Variants in ZNF397 observed in about 807,000 individuals in gnomAD.
The protein encoded by ZNF397 is zinc finger and SCAN domain-containing protein 15.
A neutral mutation model predicts 50.6 loss-of-function variants in ZNF397; 38 were observed. The observed-to-expected ratio is 0.75, with a 90% CI of 0.58 to 0.98. The LOEUF is 0.98. ZNF397 is among the 50% of genes least tolerant of loss of function. The probability of loss-of-function intolerance (pLI) is 0.00; values close to 1 mark genes in which losing one functional copy is unlikely to be tolerated. For synonymous variants in ZNF397, 228 were observed against 215.2 expected, an observed-to-expected ratio of 1.06 and a Z score of -0.52; for missense variants, 624 against 624.1, an observed-to-expected ratio of 1.00 and a Z score of 0.00.
At chr18:35,256,350 G>A (rs969706482) in intron 5 of ZNF397, 9 of 152,142 alleles carry the variant, frequency 5.9e-5, no homozygotes, top group Non-Finnish European at 1.0e-4. Context: ...TTGAGGCCAG[G>A]GGAGTTCAAA....
chr18:35,247,112 A>C lies in ZNF397; in HGVS notation c.*802A>C, dbSNP rs756041924. On this transcript the variant is annotated 3_prime_UTR_variant, in exon 4 of 4. Transcript: ENST00000330501. Reference sequence around the variant, plus strand: ...GAACAGTAGCCAAAGGCCAGAAACAAAGTGTGGAGCATTCCTTGAGTTCCT... The same window carrying C: ...GAACAGTAGCCAAAGGCCAGAAACACAGTGTGGAGCATTCCTTGAGTTCCT... 2 of 985,506 alleles carry C rather than the reference A, an allele frequency of 2.0e-6. No individual in the cohort carries two copies. The highest frequency in any genetic ancestry group is 2.4e-6 in the Non-Finnish European group (2 of 830,012). 61.0% of individuals were successfully genotyped at this position (985,506 alleles called of 1,614,324 possible). A position where few individuals can be genotyped will look rare whatever the true frequency, so the allele number is the denominator to read the frequency against.
At chr18:35,258,568 C>G (rs2043920830), downstream of ZNF397, 1 of 152,562 alleles carries the variant, frequency 6.6e-6, no homozygotes, top group Admixed American at 6.5e-5. Flanking sequence ...GAGTGAGAGG[C>G]TTAGTTAAAA....
downstream of ZNF397, chr18:35,251,825 A>G (rs2043608117): frequency 6.6e-6 from 1 of 151,852 alleles, no homozygotes; most frequent in Non-Finnish European, 1.5e-5. Flanking sequence ...ATTACCCAGT[A>G]TCAGGTAGTA....
At chr18:35,255,469 T>C (rs1448116012) in intron 5 of ZNF397, among the ~76,000 whole-genome samples, 3 of 152,128 alleles carry the variant, frequency 2.0e-5, no homozygotes, top group Middle Eastern at 3.4e-3. Context: ...GAAGTAATAA[T>C]TGCTAAGAGT....
In ZNF397 at chr18:35,249,805, T is replaced by TAA. The variant is rs2043548431; in HGVS notation, c.*3497_*3498dup. 7.4e-6 allele frequency: 1 copy of TAA among 134,536 alleles called. No homozygotes were observed. Among genetic ancestry groups the TAA allele is most frequent in the Non-Finnish European group, 1.6e-5 (1 of 64,394 alleles). 8.3% of individuals were successfully genotyped at this position (134,536 alleles called of 1,614,324 possible). The stretch of plus-strand genomic sequence containing the variant: ...TTATGTATTAAAAATACTGAAAACA[T>TAA]AAAGTGCTATACTGGTTATGTGTGG... On this transcript the variant is annotated 3_prime_UTR_variant, in exon 4 of 4. Transcript: ENST00000330501.
chr18:35,256,462 G>C (rs1369684442), intron 5 of ZNF397: 5 of 152,064 alleles, frequency 3.3e-5, no homozygotes, highest in African/African-American at 1.2e-4. Context: ...TCGGGAGGAT[G>C]AGGCACGAGA....
At chr18:35,258,677 C>T (rs2043925969), downstream of ZNF397, 1 of 151,824 alleles carries the variant, frequency 6.6e-6, no homozygotes, top group African/African-American at 2.4e-5. Context: ...TGAGAACAGC[C>T]TGGCCAATAT....
chr18:35,254,564 G>A (rs2043726150), downstream of ZNF397: 3 of 1,009,718 alleles, frequency 3.0e-6, no homozygotes, highest in Non-Finnish European at 4.3e-6. Context: ...CCCCCTTGGA[G>A]AGTAAGGTAG....
At position 35,246,072 on chromosome 18, in the gene ZNF397, G is replaced by A. The variant is rs867240962; in HGVS notation, c.1367G>A (p.Ser456Asn). The A allele has an allele frequency of 6.4e-7, 1 of 1,559,194 alleles. No individual in the cohort carries two copies. Residue 456 changes from serine to asparagine, a missense_variant, in exon 4 of 4, where the codon AGT becomes AAT. By Grantham distance (46) the Ser-to-Asn change is conservative (BLOSUM62 1). Transcript: ENST00000330501. Reference sequence around the variant, plus strand: ...AGTGGAGAGAAACCCTATGAATGTAGTGAATGTGGAAAAGCTTTCAGTTTG... The same window carrying A: ...AGTGGAGAGAAACCCTATGAATGTAATGAATGTGGAAAAGCTTTCAGTTTG... ...IHSGEKPYEC[S>N]ECGKAFSLSS...
intron 2 of ZNF397, 131 bp from the exon 3 acceptor site, chr18:35,243,021 A>G: frequency 2.0e-6 from 3 of 1,495,264 alleles, no homozygotes; most frequent in South Asian, 1.3e-5. Flanking sequence ...ATACTTGTCT[A>G]TACCCTTGAA....
downstream of ZNF397, chr18:35,254,369 A>T: frequency 6.2e-7 from 1 of 1,613,940 alleles, no homozygotes; most frequent in Non-Finnish European, 8.5e-7. Flanking sequence ...TTTGCCAGCC[A>T]CCATCCTGCC....
At chr18:35,243,423 C>T (rs1004632176) in intron 3 of ZNF397, 130 bp downstream of exon 3, 22 of 1,357,124 alleles carry the variant, frequency 1.6e-5, no homozygotes, top group Non-Finnish European at 1.7e-5. Flanking sequence ...CAGAGGTGCT[C>T]GCTTTAGCGG....
chr18:35,252,833 G>A (rs1029867215), downstream of ZNF397: 1 of 152,752 alleles, frequency 6.5e-6, no homozygotes, highest in Non-Finnish European at 1.5e-5. Flanking sequence ...GCACATAGCA[G>A]GTGCTCAATA....
chr18:35,244,076 C>A (rs2143587575), intron 3 of ZNF397: 1 of 154,790 alleles, frequency 6.5e-6, no homozygotes, highest in East Asian at 1.9e-4. Flanking sequence ...AGAGTATAGT[C>A]CTATTAAAGA....
At chr18:35,243,438 GTAT>G in intron 3 of ZNF397, 145 bp downstream of exon 3, 1 of 1,116,908 alleles carries the variant, frequency 9.0e-7, no homozygotes, top group South Asian at 1.3e-5. Context: ...TAGCGGCTTT[GTAT>G]TCACCCCTCA....
intron 3 of ZNF397, 69 bp from the exon 4 acceptor site, chr18:35,245,193 C>T (rs1200487836): frequency 1.0e-5 from 15 of 1,464,384 alleles, no homozygotes; most frequent in African/African-American, 8.6e-5. Flanking sequence ...TCTGTTTTCT[C>T]TCATGTAGAA....
chr18:35,253,326 T>G (rs2043661063), downstream of ZNF397: 1 of 690,664 alleles, frequency 1.4e-6, no homozygotes, highest in East Asian at 2.8e-5. Context: ...CATGTCTTCT[T>G]ATAGTACCGA....
At chr18:35,253,824 C>T, downstream of ZNF397, 1 of 1,614,172 alleles carries the variant, frequency 6.2e-7, no homozygotes, top group Non-Finnish European at 8.5e-7. Context: ...CTGATGAGCT[C>T]TGAACTGCCC....
At chr18:35,244,622 A>G (rs1394767378) in intron 3 of ZNF397, among the ~76,000 whole-genome samples, 2 of 152,166 alleles carry the variant, frequency 1.3e-5, no homozygotes, top group Non-Finnish European at 2.9e-5. Flanking sequence ...ATATCACTGG[A>G]AGAGAATGTC....
Sources: allele counts gnomAD v4.1 joint callset (sites outside exome capture counted in the v4.1 genomes callset), GRCh38; gene constraint gnomAD v4.1.1; transcripts MANE v1.5; gene names NCBI Gene and HGNC (gene_info 2026-07-23, HGNC 2026-07-21).